Variants in SLC7A2 observed in about 807,000 individuals in gnomAD.
SLC7A2 encodes the protein solute carrier family 7 member 2.
A neutral mutation model predicts 58.9 loss-of-function variants in SLC7A2; 48 were observed. The ratio of observed to expected loss-of-function variants is 0.82; its 90% confidence interval spans 0.65 to 1.04. The LOEUF is 1.04. Among genes scored for constraint, SLC7A2 ranks in the 50% least tolerant of loss-of-function variants. The pLI, the probability that SLC7A2 is intolerant of heterozygous loss-of-function variation, is 0.00. For synonymous variants in SLC7A2, 363 were observed against 314.5 expected (o/e 1.15, Z -1.63); for missense variants, 1,029 against 818.8 (o/e 1.26, Z -3.13).
At chr8:17,539,623 G>A (rs1368746008) in intron 2 of SLC7A2, among the ~76,000 whole-genome samples, 1 of 152,180 alleles carries the variant, frequency 6.6e-6, no homozygotes, top group African/African-American at 2.4e-5. Context: ...GCCAAGGACA[G>A]GGGTGTGAGT....
In SLC7A2 at chr8:17,569,063, T is replaced by A. The variant is rs1803397128; in HGVS notation, c.*3917T>A. On this transcript the variant is annotated 3_prime_UTR_variant, in exon 13 of 13. Transcript: ENST00000494857. Reference sequence around the variant, plus strand: ...TAGCAGGAAGCATAAGGAAAAGCCATCGGCCTCCAATACCCATGATGACAG... The same window carrying A: ...TAGCAGGAAGCATAAGGAAAAGCCAACGGCCTCCAATACCCATGATGACAG... 1 of 152,168 alleles carries A rather than the reference T, an allele frequency of 6.6e-6. No individual in the cohort carries two copies. The allele number at this position is 152,168 out of a possible 1,614,324, so 9.4% of individuals were successfully genotyped here. A position where few individuals can be genotyped will look rare whatever the true frequency, so the allele number is the denominator to read the frequency against.
chr8:17,558,237 ACTGT>A, intron 8 of SLC7A2, 54 bp from the exon 9 acceptor site: 1 of 1,087,536 alleles, frequency 9.2e-7, no homozygotes, highest in Non-Finnish European at 1.4e-6. Context: ...AACGTTAGTA[ACTGT>A]ATGGAATTTC....
chr8:17,501,030 T>C lies in SLC7A2; in HGVS notation c.-68-1227T>C, dbSNP rs1402086243. ...ATCGACTTTTTTTTTTTTTTCTGTT[T>C]TGAGACAGAGTCTCGTTCTGACGCC... On this transcript the variant is annotated intron_variant, in intron 1 of 12. Transcript: ENST00000494857. Among the ~76,000 whole-genome samples, 3 of 151,818 alleles carry C rather than the reference T, an allele frequency of 2.0e-5. No individual in the cohort carries two copies. In the East Asian group the frequency reaches 5.8e-4, roughly 29 times the overall value.
Position 17,565,264 on chromosome 8 carries a change from C to G in SLC7A2, c.*118C>G, listed in dbSNP as rs79677945. 364 of 752,912 alleles carry G rather than the reference C, an allele frequency of 4.8e-4. No homozygotes were observed. Among genetic ancestry groups the G allele is most frequent in the Non-Finnish European group, 6.9e-4 (323 of 468,072 alleles). The allele number at this position is 752,912 out of a possible 1,614,324, so 46.6% of individuals were successfully genotyped here. A position where few individuals can be genotyped will look rare whatever the true frequency, so the allele number is the denominator to read the frequency against. On this transcript the variant is annotated 3_prime_UTR_variant, in exon 13 of 13. Coordinates refer to ENST00000494857, the MANE Select transcript of SLC7A2 (RefSeq NM_001370338.1). The stretch of plus-strand genomic sequence containing the variant: ...TGGGTTTGCTGCATACATAGTTCAC[C>G]CTAATTTATACTTACTCATCTGGAC...
In SLC7A2 at chr8:17,538,513, C is replaced by T. The variant is rs957734272; in HGVS notation, c.-22-4805C>T. Reference sequence around the variant, plus strand: ...TGATAGTCTTTTATCCTACATTATACTTTTGATGAATTTGTAAAGAAATTA... The same window carrying T: ...TGATAGTCTTTTATCCTACATTATATTTTTGATGAATTTGTAAAGAAATTA... On this transcript the variant is annotated intron_variant, in intron 2 of 12. Transcript: ENST00000494857. Among the ~76,000 whole-genome samples the T allele has an allele frequency of 1.7e-4, 26 of 152,300 alleles. 1 individual carries two copies. In the East Asian group the frequency reaches 4.6e-3, roughly 27 times the overall value.
At position 17,511,037 on chromosome 8, in the gene SLC7A2, C is replaced by T. The variant is rs773210828; in HGVS notation, c.-23+8735C>T. ...ACAGGACATGTTCTCACTCATAAGT[C>T]GGAGTTGAACAATGAGAACACTTGG... On this transcript the variant is annotated intron_variant, in intron 2 of 12. Transcript: ENST00000494857. The T allele has an allele frequency of 4.6e-5, 7 of 151,360 alleles. No homozygotes were observed. In the East Asian group the frequency reaches 5.8e-4, roughly 13 times the overall value. The allele number at this position is 151,360 out of a possible 1,614,324, so 9.4% of individuals were successfully genotyped here.
chr8:17,556,315 G>C (rs898481233), intron 8 of SLC7A2, among the ~76,000 whole-genome samples: 2 of 151,696 alleles, frequency 1.3e-5, no homozygotes, highest in Non-Finnish European at 2.9e-5. Flanking sequence ...TGCCAGTAAT[G>C]ATGCAGAATT....
chr8:17,507,477 G>A (rs773736320), intron 2 of SLC7A2, among the ~76,000 whole-genome samples: 64 of 152,202 alleles, frequency 4.2e-4, no homozygotes, highest in Non-Finnish European at 4.0e-4. Context: ...GCCTCCCAAA[G>A]TGCAGGAATT....
chr8:17,520,237 A>G (rs1038942285), intron 2 of SLC7A2, among the ~76,000 whole-genome samples: 1 of 152,152 alleles, frequency 6.6e-6, no homozygotes. Flanking sequence ...ATATGTTCCA[A>G]CTATATTTTA....
At chr8:17,561,761 A>T (rs1439670216) in intron 10 of SLC7A2, among the ~76,000 whole-genome samples, 183 bp from the exon 11 acceptor site, 1 of 152,176 alleles carries the variant, frequency 6.6e-6, no homozygotes, top group East Asian at 1.9e-4. Context: ...TGGTTCTTAA[A>T]TCCCTGCAAC....
At chr8:17,496,731 A>G (rs1318311842), upstream of SLC7A2, among the ~76,000 whole-genome samples, 2 of 152,178 alleles carry the variant, frequency 1.3e-5, no homozygotes, top group African/African-American at 4.8e-5. Context: ...ATGGAAAGTA[A>G]ACGGGGGGAC....
At chr8:17,495,146 C>G (rs769282758), upstream of SLC7A2, among the ~76,000 whole-genome samples, 1 of 152,044 alleles carries the variant, frequency 6.6e-6, no homozygotes, top group Non-Finnish European at 1.5e-5. Context: ...TTTTTTCTTT[C>G]TTTATTTTAA....
At chr8:17,496,597 G>A (rs1799963857), upstream of SLC7A2, among the ~76,000 whole-genome samples, 1 of 152,112 alleles carries the variant, frequency 6.6e-6, no homozygotes, top group Non-Finnish European at 1.5e-5. Flanking sequence ...TTCCAAAATA[G>A]CAACTGCACA....
chr8:17,540,041 C>T (rs1801842822), intron 2 of SLC7A2, among the ~76,000 whole-genome samples: 1 of 152,016 alleles, frequency 6.6e-6, no homozygotes, highest in South Asian at 2.1e-4. Flanking sequence ...TCTCTTGTTG[C>T]CACACTCCTT....
chr8:17,510,065 C>T (rs888005909), intron 2 of SLC7A2, among the ~76,000 whole-genome samples: 7 of 151,872 alleles, frequency 4.6e-5, no homozygotes, highest in African/African-American at 9.7e-5. Context: ...ACTAAACGTA[C>T]GAAAATTAGC....
At chr8:17,495,666 C>T (rs1361057284), upstream of SLC7A2, among the ~76,000 whole-genome samples, 1 of 152,228 alleles carries the variant, frequency 6.6e-6, no homozygotes, top group Non-Finnish European at 1.5e-5. Context: ...TCTCCTGCCT[C>T]AACCTCCCGA....
intron 8 of SLC7A2, among the ~76,000 whole-genome samples, chr8:17,557,600 G>A (rs547829325): frequency 7.9e-5 from 12 of 152,318 alleles, no homozygotes; most frequent in African/African-American, 2.6e-4. Context: ...GGAGGCCGAG[G>A]CCAGTGGATC....
At chr8:17,555,175 G>C (rs1005464785) in intron 8 of SLC7A2, 5 of 1,174,348 alleles carry the variant, frequency 4.3e-6, no homozygotes, top group Non-Finnish European at 3.5e-6. Flanking sequence ...TGCTGTGCAT[G>C]TAAGTTAAAA....
rs1803282086 is a variant in SLC7A2 at position 17,566,719 on chromosome 8, G to C, written c.*1573G>C. The C allele has an allele frequency of 6.6e-6, 1 of 151,874 alleles. No homozygotes were observed. The highest frequency in any genetic ancestry group is 6.6e-5 in the Admixed American group (1 of 15,242). 9.4% of individuals were successfully genotyped at this position (151,874 alleles called of 1,614,324 possible). On this transcript the variant is annotated 3_prime_UTR_variant, in exon 13 of 13. Coordinates refer to ENST00000494857, the MANE Select transcript of SLC7A2 (RefSeq NM_001370338.1). ...TCTAATTGTCATATTTTACTTTTTA[G>C]GATTCCCTAATAGTGGACTGTTTAT... is the stretch of plus-strand genomic sequence containing the variant.
Sources: gnomAD v4.1 joint callset for allele counts (sites outside exome capture counted in the v4.1 genomes callset) on GRCh38, gnomAD v4.1.1 for gene constraint, MANE v1.5 for transcripts, NCBI Gene and HGNC (gene_info 2026-07-23, HGNC 2026-07-21) for gene names.